The following PRDM16 variants were observed in gnomAD, a reference collection of about 807,000 sequenced individuals.
PRDM16 encodes PR/SET domain 16, also known as histone-lysine N-methyltransferase PRDM16.
Under a neutral mutation model 110.6 loss-of-function variants are expected in PRDM16, and 23 were observed. The ratio of observed to expected loss-of-function variants is 0.21; its 90% CI spans 0.15 to 0.29. The LOEUF (loss-of-function observed/expected upper bound fraction) is 0.29, where lower values mean the gene tolerates loss of function less well. Ranked by LOEUF, PRDM16 falls within the 10% of genes least tolerant of loss-of-function variation. The pLI is 1.00. For missense variants in PRDM16, 1,615 were observed against 1,794.3 expected, an observed-to-expected ratio of 0.90 and a Z score of 1.81; for synonymous variants, 799 against 781.8, an observed-to-expected ratio of 1.02 and a Z score of -0.37.
Position 3,213,160 on chromosome 1 carries a change from G to A in PRDM16, c.387+26686G>A, listed in dbSNP as rs1336826373. ...CTCTGCCAAAAAAGGAAATGCCACCGCCAACAGCAACAGAAACACAGATTT... is the reference window on the plus strand; with the variant it reads ...CTCTGCCAAAAAAGGAAATGCCACCACCAACAGCAACAGAAACACAGATTT... On this transcript the variant is annotated intron_variant, in intron 2 of 16. Transcript: ENST00000270722. The surrounding 1 kb of genome is among the most constrained non-coding windows in gnomAD (Gnocchi z 5.3). 6.6e-6 allele frequency among the ~76,000 whole-genome samples: 1 copy of A among 152,174 alleles called. No homozygotes were observed.
chr1:3,348,516 C>T (rs146606415), intron 3 of PRDM16, among the ~76,000 whole-genome samples: 1 of 152,358 alleles, frequency 6.6e-6, no homozygotes, highest in African/African-American at 2.4e-5. Flanking sequence ...CTGCTGCCCA[C>T]AAAGGCGGCT....
chr1:3,181,323 A>ACACACGGTCTTACACACAG (rs1557508712), intron 1 of PRDM16, among the ~76,000 whole-genome samples: 1 of 30,598 alleles, frequency 3.3e-5, no homozygotes, highest in Non-Finnish European at 6.7e-5. Flanking sequence ...TACACACGCA[A>ACACACGGTCTTACACACAG]TCTTACACAA....
At chr1:3,277,680 TC>T (rs1640615981) in intron 3 of PRDM16, among the ~76,000 whole-genome samples, 1 of 152,082 alleles carries the variant, frequency 6.6e-6, no homozygotes, top group African/African-American at 2.4e-5. Context: ...TCCACAGAGC[TC>T]CCGGAGCAGG....
chr1:3,296,783 T>G (rs1290469187), intron 3 of PRDM16, among the ~76,000 whole-genome samples: 2 of 152,246 alleles, frequency 1.3e-5, no homozygotes, highest in Non-Finnish European at 2.9e-5. Context: ...CGTGTGCCAT[T>G]GTTAAGTGCA....
intron 2 of PRDM16, among the ~76,000 whole-genome samples, chr1:3,189,696 C>T (rs565037657): frequency 3.1e-4 from 47 of 152,264 alleles, no homozygotes; most frequent in African/African-American, 1.0e-3. Flanking sequence ...TTTTGGCCTC[C>T]CTCCGTGCTG....
rs985954100 is a variant in PRDM16, at chr1:3,307,947, C to T, written c.438+63810C>T. On this transcript the variant is annotated intron_variant, in intron 3 of 16. Coordinates refer to ENST00000270722, the MANE Select transcript of PRDM16 (RefSeq NM_022114.4). ...GCGTGGCCCCCAAGACTGCCTTTGC[C>T]AGGTGTGTTCTCACAGAGCTGTGTT... is the stretch of plus-strand genomic sequence containing the variant. 4 of 152,194 alleles carry T rather than the reference C, an allele frequency of 2.6e-5. No individual in the cohort carries two copies. The East Asian group carries it at 7.7e-4, about 29-fold the overall frequency. 9.4% of individuals were successfully genotyped at this position (152,194 alleles called of 1,614,324 possible).
chr1:3,429,652 C>T (rs1638711727), intron 14 of PRDM16, among the ~76,000 whole-genome samples: 1 of 152,248 alleles, frequency 6.6e-6, no homozygotes, highest in African/African-American at 2.4e-5. Context: ...AGCTCCGTGG[C>T]TGAGGAGATG....
intron 3 of PRDM16, among the ~76,000 whole-genome samples, chr1:3,383,375 G>A (rs946153187): frequency 3.9e-5 from 6 of 152,204 alleles, no homozygotes; most frequent in South Asian, 2.1e-4. Context: ...ACCCTTAGTC[G>A]GGAACCCCAG....
At chr1:3,105,173 G>A (rs1271276672) in intron 1 of PRDM16, among the ~76,000 whole-genome samples, 1 of 152,188 alleles carries the variant, frequency 6.6e-6, no homozygotes, top group South Asian at 2.1e-4. Context: ...CCTCACTGGG[G>A]AGCAGGAGCT....
chr1:3,078,127 G>A (rs1470526172), intron 1 of PRDM16, among the ~76,000 whole-genome samples: 1 of 152,150 alleles, frequency 6.6e-6, no homozygotes, highest in African/African-American at 2.4e-5. Context: ...AGGGGGCTGG[G>A]GGCTTCTGCA....
intron 1 of PRDM16, among the ~76,000 whole-genome samples, chr1:3,136,510 G>T (rs1484637837): frequency 6.6e-6 from 1 of 152,172 alleles, no homozygotes. Flanking sequence ...GGAGAAGCCG[G>T]TTTCTAGTTT....
At position 3,243,082 on chromosome 1, in the gene PRDM16, G is replaced by A. The variant is rs551140175; in HGVS notation, c.388-1005G>A. Among the ~76,000 whole-genome samples the A allele has an allele frequency of 2.4e-4, 36 of 152,258 alleles. No individual in the cohort carries two copies. The highest frequency in any genetic ancestry group is 3.4e-4 in the African/African-American group (14 of 41,562). ...GCTCTCCAGAGCCAAAGAACGTTCC[G>A]GCTGGAGCGACCTGGGAGGAAGAAC... On this transcript the variant is annotated intron_variant, in intron 2 of 16. Coordinates refer to ENST00000270722, the MANE Select transcript of PRDM16 (RefSeq NM_022114.4). The surrounding 1 kb of genome is among the most constrained non-coding windows in gnomAD (Gnocchi z 5.5).
At chr1:3,128,975 T>A (rs1255230055) in intron 1 of PRDM16, among the ~76,000 whole-genome samples, 1 of 152,078 alleles carries the variant, frequency 6.6e-6, no homozygotes, top group Non-Finnish European at 1.5e-5. Context: ...GCAGATGAGA[T>A]GAGGAGGGTG....
At chr1:3,396,276 TA>T (rs1643384971) in intron 4 of PRDM16, 1 of 620,676 alleles carries the variant, frequency 1.6e-6, no homozygotes. Flanking sequence ...CCTTTATGAA[TA>T]TCCTAAAACC....
At chr1:3,377,858 A>G (rs2493310) in intron 3 of PRDM16, among the ~76,000 whole-genome samples, 40,726 of 152,114 alleles carry the variant, frequency 0.27, 7,872 homozygotes, top group African/African-American at 0.55. Flanking sequence ...CGGGTTGGTC[A>G]CTTGCATGCA....
chr1:3,126,329 C>T (rs1482982457), intron 1 of PRDM16, among the ~76,000 whole-genome samples: 1 of 152,198 alleles, frequency 6.6e-6, no homozygotes, highest in Non-Finnish European at 1.5e-5. Flanking sequence ...GTGCCAATGG[C>T]ATCCTCCTCC....
chr1:3,132,244 G>A (rs569050796), intron 1 of PRDM16, among the ~76,000 whole-genome samples: 12 of 152,192 alleles, frequency 7.9e-5, no homozygotes, highest in Non-Finnish European at 1.8e-4. Flanking sequence ...CCATTCCAGC[G>A]TGTTATTATC....
intron 4 of PRDM16, among the ~76,000 whole-genome samples, chr1:3,391,330 G>T (rs1274449162): frequency 6.6e-6 from 1 of 152,066 alleles, no homozygotes; most frequent in Non-Finnish European, 1.5e-5. Flanking sequence ...ATTTTACGGG[G>T]CCCCCTTTGG....
chr1:3,122,849 C>T (rs1029355304), intron 1 of PRDM16, among the ~76,000 whole-genome samples: 13 of 152,166 alleles, frequency 8.5e-5, no homozygotes, highest in Admixed American at 6.5e-4. Context: ...TCTAGGGAGG[C>T]GGCGGCTGGG....
Sources: allele counts gnomAD v4.1 joint callset (sites outside exome capture counted in the v4.1 genomes callset), GRCh38; gene constraint gnomAD v4.1.1; non-coding constraint Gnocchi (gnomAD v3.1); transcripts MANE v1.5; gene names NCBI Gene and HGNC (gene_info 2026-07-23, HGNC 2026-07-21).